Variants in FCHSD1 observed in about 807,000 individuals in gnomAD.
FCHSD1 encodes FCH and double SH3 domains 1, also known as F-BAR and double SH3 domains protein 1.
Under a neutral mutation model 101.3 loss-of-function variants are expected in FCHSD1, and 109 were observed. The ratio of observed to expected loss-of-function variants is 1.08; its 90% CI spans 0.92 to 1.26. The LOEUF (loss-of-function observed/expected upper bound fraction) is 1.26, where lower values mean the gene tolerates loss of function less well. FCHSD1 is among the 50% of genes most tolerant of loss of function. The pLI is 0.00. For synonymous variants in FCHSD1, 291 were observed against 356.8 expected (o/e 0.82, Z 2.08); for missense variants, 820 against 895.8 (o/e 0.92, Z 1.08).
intron 17 of FCHSD1, 59 bp from the exon 18 acceptor site, chr5:141,643,147 T>C (rs1339070703): frequency 3.8e-6 from 5 of 1,299,610 alleles, no homozygotes; most frequent in Non-Finnish European, 5.1e-6. Context: ...TACCAGCTTT[T>C]CCTCTCATCC....
chr5:141,650,419 G>C lies in FCHSD1; in HGVS notation c.120-15C>G. ...TGCTGTAGGATCTGCGGAGATTGCA[G>C]GTCGGGGGTGAGGTGGGGGATAAGG... On this transcript the variant is annotated splice_polypyrimidine_tract_variant and intron_variant, in intron 2 of 19. Transcript: ENST00000435817. 1 of 1,613,872 alleles carries C rather than the reference G, an allele frequency of 6.2e-7. No homozygotes were observed.
At position 141,649,208 on chromosome 5, in the gene FCHSD1, G is replaced by A. The variant is rs747566287; in HGVS notation, c.476C>T (p.Ala159Val). The A allele has an allele frequency of 1.2e-6, 2 of 1,613,928 alleles. No homozygotes were observed. Among genetic ancestry groups the A allele is most frequent in the Admixed American group, 1.7e-5 (1 of 60,028 alleles). ...ATCAGCCGCCTTCTCCTGTGCCAAGGCCCACACACGTTCCCGCTGCCCATA... is the reference window on the plus strand; with the variant it reads ...ATCAGCCGCCTTCTCCTGTGCCAAGACCCACACACGTTCCCGCTGCCCATA... ...KLYGQRERVWALAQEKAADVQ... is the reference protein window; with the variant it reads ...KLYGQRERVWVLAQEKAADVQ... Residue 159 changes from alanine (A) to valine (V), a missense_variant, in exon 6 of 20, where the codon GCC becomes GTC. Ala to Val is a moderately conservative substitution (Grantham distance 64). Transcript: ENST00000435817. The surrounding 1 kb of genome is among the most constrained non-coding windows in gnomAD (Gnocchi z 4.1).
chr5:141,642,838 C>T (rs145019533), intron 18 of FCHSD1, 163 bp downstream of exon 18: 17 of 618,746 alleles, frequency 2.7e-5, no homozygotes, highest in South Asian at 1.2e-4. Flanking sequence ...GATGACAGAG[C>T]GGGACCTGAA....
chr5:141,651,179 G>A lies in FCHSD1; in HGVS notation c.22-62C>T, dbSNP rs138532178. ...AGGACCTAAAAAACACTCCGCGCAG[G>A]GAGCGGTGAGGGGGCGGGGCCGGGG... is the stretch of plus-strand genomic sequence containing the variant. On this transcript the variant is annotated intron_variant, in intron 1 of 19. Transcript: ENST00000435817. The A allele has an allele frequency of 2.7e-4, 409 of 1,520,224 alleles. 2 individuals are homozygous for A. In the East Asian group the frequency reaches 9.8e-3, roughly 36 times the overall value. 94.2% of individuals were successfully genotyped at this position (1,520,224 alleles called of 1,614,324 possible).
At chr5:141,647,864 G>T in intron 8 of FCHSD1, 104 bp downstream of exon 8, 1 of 1,488,260 alleles carries the variant, frequency 6.7e-7, no homozygotes, top group Middle Eastern at 1.7e-4. Flanking sequence ...ACTCTAAACA[G>T]ACAAGATCCC....
intron 3 of FCHSD1, 133 bp from the exon 4 acceptor site, chr5:141,650,087 A>G: frequency 1.0e-6 from 1 of 967,150 alleles, no homozygotes; most frequent in Non-Finnish European, 1.5e-6. Flanking sequence ...AATGCCTTAT[A>G]GTCATTAATT....
chr5:141,639,815 G>A lies in FCHSD1; in HGVS notation c.*1683C>T, dbSNP rs529820004. The A allele has an allele frequency of 4.6e-5, 63 of 1,368,098 alleles. No homozygotes were observed. In the Admixed American group the frequency reaches 5.5e-4, roughly 12 times the overall value. 84.7% of individuals were successfully genotyped at this position (1,368,098 alleles called of 1,614,324 possible). A position where few individuals can be genotyped will look rare whatever the true frequency, so the allele number is the denominator to read the frequency against. On this transcript the variant is annotated 3_prime_UTR_variant, in exon 20 of 20. Coordinates refer to ENST00000435817, the MANE Select transcript of FCHSD1 (RefSeq NM_033449.3). The surrounding 1 kb of genome is among the most constrained non-coding windows in gnomAD (Gnocchi z 4.4). Reference sequence around the variant, plus strand: ...TCTGAGAAGGCCTCCCCTACCTTAGGCCAGAGGGAAGTAGCCACCAAACTC... The same window carrying A: ...TCTGAGAAGGCCTCCCCTACCTTAGACCAGAGGGAAGTAGCCACCAAACTC...
chr5:141,647,547 C>T (rs764346850), intron 8 of FCHSD1, 27 bp from the exon 9 acceptor site: 6 of 1,610,630 alleles, frequency 3.7e-6, no homozygotes, highest in Admixed American at 3.4e-5. Context: ...GATACTGACA[C>T]CACCCTTCCC....
chr5:141,640,232 C>T lies in FCHSD1; in HGVS notation c.*1266G>A. The T allele has an allele frequency of 6.2e-7, 1 of 1,614,120 alleles. No homozygotes were observed. Among genetic ancestry groups the T allele is most frequent in the Admixed American group, 1.7e-5 (1 of 60,016 alleles). On this transcript the variant is annotated 3_prime_UTR_variant, in exon 20 of 20. Transcript: ENST00000435817. ...TGAGGGCCGGAGGGAGGGGCCCAAG[C>T]CCAGGGCTGCCCACTCAAGAGGCAA...
chr5:141,647,001 G>T, intron 10 of FCHSD1, 134 bp downstream of exon 10: 1 of 932,684 alleles, frequency 1.1e-6, no homozygotes, highest in Non-Finnish European at 1.6e-6. Flanking sequence ...TGGGAGGGAG[G>T]TGAGCTGGAG....
intron 18 of FCHSD1, chr5:141,641,974 G>A: frequency 1.7e-6 from 1 of 601,758 alleles, no homozygotes; most frequent in South Asian, 2.0e-5. Context: ...GAGATAGGAT[G>A]CATAGTGCTC....
chr5:141,651,122 G>A lies in FCHSD1; in HGVS notation c.22-5C>T, dbSNP rs552613580. 1 of 1,579,340 alleles carries A rather than the reference G, an allele frequency of 6.3e-7. No homozygotes were observed. The highest frequency in any genetic ancestry group is 1.3e-5 in the African/African-American group (1 of 74,348). On this transcript the variant is annotated splice_region_variant and splice_polypyrimidine_tract_variant and intron_variant, in intron 1 of 19. Coordinates refer to ENST00000435817, the MANE Select transcript of FCHSD1 (RefSeq NM_033449.3). The stretch of plus-strand genomic sequence containing the variant: ...CACCTCCTGGGCCGGCTTCACCTGT[G>A]GGGGCAAAGAGAGGATGAAGACCCC...
chr5:141,643,219 T>TGGCG (rs1554219617), intron 17 of FCHSD1, 131 bp from the exon 18 acceptor site: 3 of 565,726 alleles, frequency 5.3e-6, no homozygotes, highest in African/African-American at 4.3e-5. Flanking sequence ...TTGCATTCGG[T>TGGCG]GGGGGGGTGT....
intron 8 of FCHSD1, 195 bp from the exon 9 acceptor site, chr5:141,647,715 C>T: frequency 5.1e-6 from 5 of 978,776 alleles, no homozygotes; most frequent in Non-Finnish European, 5.9e-6. Flanking sequence ...TCCTTTGAGC[C>T]CCACTAGTGC....
chr5:141,651,172 C>T (rs2099908343), intron 1 of FCHSD1, 55 bp from the exon 2 acceptor site: 5 of 1,525,166 alleles, frequency 3.3e-6, no homozygotes, highest in African/African-American at 2.8e-5. Flanking sequence ...AAAAACACTC[C>T]GCGCAGGGAG....
chr5:141,644,629 A>T lies in FCHSD1; in HGVS notation c.1586T>A (p.Leu529His). ...GTCTTGGCTGCTCTCTGGGAGGGAG[A>T]GGTCCGGGAAGTTGAGATATCGCTC... ...VPERYLNFPD[L>H]SLPESSQDSD... Residue 529 changes from leucine to histidine, a missense_variant, in exon 16 of 20, where the codon CTC becomes CAC. By Grantham distance (99) the Leu-to-His change is moderately conservative. Transcript: ENST00000435817. 6.2e-7 allele frequency: 1 copy of T among 1,613,744 alleles called. No homozygotes were observed. The highest frequency in any genetic ancestry group is 1.7e-5 in the Admixed American group (1 of 60,000).
At chr5:141,644,140 G>C (rs2099907352) in intron 17 of FCHSD1, 78 bp downstream of exon 17, 7 of 1,340,286 alleles carry the variant, frequency 5.2e-6, no homozygotes. Context: ...GAGGCATTAA[G>C]ATGAATATGA....
Position 141,644,622 on chromosome 5 carries a change from G to T in FCHSD1, c.1593C>A (p.Leu531=). The T allele has an allele frequency of 6.2e-7, 1 of 1,613,980 alleles. No individual in the cohort carries two copies. Among genetic ancestry groups the T allele is most frequent in the East Asian group, 2.2e-5 (1 of 44,876 alleles). ...ERYLNFPDLS[L]PESSQDSDNP... is the part of the protein sequence containing the mutation. ...TGTCACTGTCTTGGCTGCTCTCTGG[G>T]AGGGAGAGGTCCGGGAAGTTGAGAT... The change falls in exon 16 of 20, where the codon CTC becomes CTA. Residue 531 remains leucine (L), a synonymous_variant. Coordinates refer to ENST00000435817, the MANE Select transcript of FCHSD1 (RefSeq NM_033449.3).
chr5:141,642,401 CA>C, intron 18 of FCHSD1: 1 of 694,570 alleles, frequency 1.4e-6, no homozygotes, highest in Non-Finnish European at 2.6e-6. Flanking sequence ...AATTACCTAT[CA>C]GGTACAATGT....
Sources: allele counts gnomAD v4.1 joint callset, GRCh38; gene constraint gnomAD v4.1.1; non-coding constraint Gnocchi (gnomAD v3.1); transcripts MANE v1.5; gene names NCBI Gene and HGNC (gene_info 2026-07-23, HGNC 2026-07-21).